GALNT13: variants seen among roughly 807,000 people sequenced by gnomAD.
GALNT13 encodes the protein UDP-GalNAc:polypeptide N-acetylgalactosaminyltransferase 13.
GALNT13 carries 28 observed loss-of-function variants against 64.2 expected under a neutral mutation model. The observed-to-expected ratio is 0.44, with a 90% confidence interval of 0.32 to 0.60. The LOEUF (loss-of-function observed/expected upper bound fraction) is 0.60, where lower values mean the gene tolerates loss of function less well. Among genes scored for constraint, GALNT13 ranks in the 20% least tolerant of loss-of-function variants. The pLI, the probability that GALNT13 is intolerant of heterozygous loss-of-function variation, is 0.05. For synonymous variants in GALNT13, 214 were observed against 224.6 expected, an observed-to-expected ratio of 0.95 and a Z score of 0.42; for missense variants, 577 against 669.8, an observed-to-expected ratio of 0.86 and a Z score of 1.53.
At chr2:154,205,353 A>G (rs1687381809) in intron 4 of GALNT13, among the ~76,000 whole-genome samples, 1 of 152,204 alleles carries the variant, frequency 6.6e-6, no homozygotes, top group Non-Finnish European at 1.5e-5. Context: ...ACTAGTAGCC[A>G]CTAGTTATTC....
intron 1 of GALNT13, among the ~76,000 whole-genome samples, chr2:153,877,621 G>C: frequency 6.6e-6 from 1 of 151,418 alleles, no homozygotes; most frequent in East Asian, 1.9e-4. Flanking sequence ...CATAATAACT[G>C]ACTTAATTTC....
the GALNT13 span, among the ~76,000 whole-genome samples, chr2:153,331,626 A>C: frequency 6.6e-6 from 1 of 151,158 alleles, no homozygotes; most frequent in African/African-American, 2.4e-5. Flanking sequence ...TTTCCTTTTC[A>C]CGTTTTTTTT....
At chr2:153,353,632 C>G in the GALNT13 span, among the ~76,000 whole-genome samples, 1 of 152,050 alleles carries the variant, frequency 6.6e-6, no homozygotes, top group African/African-American at 2.4e-5. Flanking sequence ...TCCTCTACTC[C>G]TAATTTACTG....
chr2:154,106,585 G>A (rs1702627820), intron 3 of GALNT13, among the ~76,000 whole-genome samples: 1 of 151,756 alleles, frequency 6.6e-6, no homozygotes, highest in East Asian at 1.9e-4. Context: ...TAGATTTATA[G>A]ATTATTACAG....
At chr2:153,635,097 GA>G in the GALNT13 span, among the ~76,000 whole-genome samples, 27 of 149,078 alleles carry the variant, frequency 1.8e-4, no homozygotes, top group Middle Eastern at 3.5e-3. Context: ...GAAAGCAGGG[GA>G]AAAAAAAACC....
At chr2:154,188,586 AAAGAT>A (rs988987553) in intron 4 of GALNT13, among the ~76,000 whole-genome samples, 11 of 152,210 alleles carry the variant, frequency 7.2e-5, no homozygotes, top group Non-Finnish European at 4.4e-5. Context: ...TTAAAGCAAA[AAAGAT>A]AAGAATATTA....
intron 9 of GALNT13, among the ~76,000 whole-genome samples, chr2:154,340,022 T>A (rs1695671932): frequency 6.6e-6 from 1 of 152,148 alleles, no homozygotes; most frequent in African/African-American, 2.4e-5. Flanking sequence ...TTTAAAAATG[T>A]CTATTCTAAT....
the GALNT13 span, among the ~76,000 whole-genome samples, chr2:153,606,106 G>A: frequency 6.6e-6 from 1 of 152,104 alleles, no homozygotes; most frequent in Admixed American, 6.6e-5. Flanking sequence ...AGAGCAGCAA[G>A]CACCCATTAG....
At chr2:153,635,513 A>G in the GALNT13 span, among the ~76,000 whole-genome samples, 1 of 149,664 alleles carries the variant, frequency 6.7e-6, no homozygotes, top group Non-Finnish European at 1.5e-5. Flanking sequence ...TAAGAAAACA[A>G]TTATTTGGAT....
rs200692713 is a variant in GALNT13 at position 154,229,355 on chromosome 2, T to TTA, written c.312-12662_312-12661dup. 7.7e-4 allele frequency among the ~76,000 whole-genome samples: 116 copies of TTA among 151,174 alleles called. 1 individual carries two copies. Among genetic ancestry groups the TTA allele is most frequent in the East Asian group, 1.4e-3 (7 of 5,170 alleles). ...CAAAACTTTTGCTGAGTATGTAATT[T>TTA]TATATATATATATAATTTTAAAAAT... On this transcript the variant is annotated intron_variant, in intron 4 of 12. Coordinates refer to ENST00000392825, the MANE Select transcript of GALNT13 (RefSeq NM_052917.4).
chr2:154,168,381 C>T (rs1309113968), intron 4 of GALNT13, among the ~76,000 whole-genome samples: 1 of 152,004 alleles, frequency 6.6e-6, no homozygotes, highest in Non-Finnish European at 1.5e-5. Flanking sequence ...ATGAGATGCA[C>T]CCACATTATG....
intron 3 of GALNT13, among the ~76,000 whole-genome samples, chr2:154,092,075 GAAAAAAAA>G (rs58406719): frequency 1.9e-3 from 140 of 74,518 alleles, no homozygotes; most frequent in Middle Eastern, 6.4e-3. Context: ...TTCATGTCTG[GAAAAAAAA>G]AAAAAAAAAA....
upstream of GALNT13, chr2:153,871,870 G>A (rs1196560879): frequency 6.9e-6 from 1 of 144,382 alleles, no homozygotes; most frequent in Non-Finnish European, 1.5e-5. Flanking sequence ...GAGGAGGAGG[G>A]ACCGGGAGGC....
At chr2:153,406,081 G>A in the GALNT13 span, among the ~76,000 whole-genome samples, 8 of 152,234 alleles carry the variant, frequency 5.3e-5, no homozygotes, top group South Asian at 2.1e-4. Context: ...TGAACCAGGC[G>A]TCCTTGAATA....
intron 3 of GALNT13, among the ~76,000 whole-genome samples, chr2:154,080,144 G>T (rs1279978695): frequency 6.6e-6 from 1 of 151,590 alleles, no homozygotes; most frequent in African/African-American, 2.4e-5. Context: ...AGGCTGCTGG[G>T]TGGAATGTGT....
the GALNT13 span, among the ~76,000 whole-genome samples, chr2:153,069,550 G>A: frequency 1.3e-5 from 2 of 152,256 alleles, no homozygotes; most frequent in East Asian, 3.9e-4. Flanking sequence ...GAATCAGGAA[G>A]AGCAGCATTA....
chr2:153,202,897 GTATGA>G, the GALNT13 span, among the ~76,000 whole-genome samples: 1 of 151,990 alleles, frequency 6.6e-6, no homozygotes, highest in African/African-American at 2.4e-5. Context: ...AAATGATAAG[GTATGA>G]TATATTTTTT....
chr2:153,343,610 G>A, the GALNT13 span, among the ~76,000 whole-genome samples: 1 of 152,008 alleles, frequency 6.6e-6, no homozygotes, highest in Non-Finnish European at 1.5e-5. Context: ...TAACAGATTG[G>A]ATATTTAGCT....
the GALNT13 span, among the ~76,000 whole-genome samples, chr2:153,439,747 C>T: frequency 1.3e-5 from 2 of 152,230 alleles, no homozygotes; most frequent in Non-Finnish European, 2.9e-5. Context: ...AAAGTGAATT[C>T]CCTGACTTGT....
Sources: gnomAD v4.1 joint callset for allele counts (sites outside exome capture counted in the v4.1 genomes callset) on GRCh38, gnomAD v4.1.1 for gene constraint, MANE v1.5 for transcripts, NCBI Gene and HGNC (gene_info 2026-07-23, HGNC 2026-07-21) for gene names.